The following TMEM132D variants were observed in gnomAD, a reference collection of about 807,000 sequenced individuals.
The protein encoded by TMEM132D is mature OL transmembrane protein.
Under a neutral mutation model 62.3 loss-of-function variants are expected in TMEM132D, and 21 were observed. That is an observed-to-expected ratio of 0.34 (90% CI 0.24 to 0.49). The LOEUF (loss-of-function observed/expected upper bound fraction) is 0.49, where lower values mean the gene tolerates loss of function less well. Ranked by LOEUF, TMEM132D falls within the 20% of genes least tolerant of loss-of-function variation. The pLI, the probability that TMEM132D is intolerant of heterozygous loss-of-function variation, is 0.99. For synonymous variants in TMEM132D, 621 were observed against 575.6 expected (o/e 1.08, Z -1.13); for missense variants, 1,346 against 1,402.8 (o/e 0.96, Z 0.65).
chr12:129,449,564 T>C (rs970810023), intron 3 of TMEM132D, among the ~76,000 whole-genome samples: 7 of 152,028 alleles, frequency 4.6e-5, no homozygotes, highest in Non-Finnish European at 8.8e-5. Flanking sequence ...GTACACGGAG[T>C]CTCTGCACAT....
At chr12:129,205,726 C>A (rs1878831391) in intron 5 of TMEM132D, among the ~76,000 whole-genome samples, 1 of 152,210 alleles carries the variant, frequency 6.6e-6, no homozygotes, top group East Asian at 1.9e-4. Flanking sequence ...CTTCTCATCA[C>A]CACGTGGAAC....
intron 3 of TMEM132D, among the ~76,000 whole-genome samples, chr12:129,422,882 A>G (rs1048769135): frequency 1.3e-5 from 2 of 151,752 alleles, no homozygotes; most frequent in East Asian, 3.9e-4. Context: ...ATGTGTATAT[A>G]TATATATATG....
chr12:129,826,955 T>C (rs1337939489), intron 1 of TMEM132D, among the ~76,000 whole-genome samples: 1 of 152,220 alleles, frequency 6.6e-6, no homozygotes, highest in Non-Finnish European at 1.5e-5. Flanking sequence ...TCTCAGAAGC[T>C]GACTAAATAA....
intron 3 of TMEM132D, among the ~76,000 whole-genome samples, chr12:129,437,784 G>T (rs897414344): frequency 6.6e-6 from 1 of 150,926 alleles, no homozygotes; most frequent in African/African-American, 2.4e-5. Flanking sequence ...TACATGTGCA[G>T]AACGTGCAGG....
chr12:129,115,816 G>C (rs1875875589), intron 5 of TMEM132D, among the ~76,000 whole-genome samples: 2 of 152,176 alleles, frequency 1.3e-5, no homozygotes, highest in African/African-American at 4.8e-5. Flanking sequence ...CTTTCTGGCT[G>C]GACTGGCTGC....
intron 1 of TMEM132D, among the ~76,000 whole-genome samples, chr12:129,846,653 A>G (rs542710298): frequency 8.1e-4 from 123 of 152,174 alleles, no homozygotes; most frequent in African/African-American, 2.8e-3. Context: ...GCTTTGGAAA[A>G]TTCTCTGTTT....
At chr12:129,458,398 G>GTTTTTT (rs66630267) in intron 3 of TMEM132D, among the ~76,000 whole-genome samples, 1 of 146,582 alleles carries the variant, frequency 6.8e-6, no homozygotes, top group African/African-American at 2.5e-5. Context: ...GTGGGCAGAG[G>GTTTTTT]TTTTTTTTTT....
At chr12:129,700,957 TAC>T (rs1881372484) in intron 1 of TMEM132D, among the ~76,000 whole-genome samples, 1 of 152,144 alleles carries the variant, frequency 6.6e-6, no homozygotes, top group Admixed American at 6.5e-5. Context: ...ACAATTCAAA[TAC>T]AGTTTTAAAA....
chr12:129,729,399 T>C (rs955028586), intron 1 of TMEM132D, among the ~76,000 whole-genome samples: 1 of 152,214 alleles, frequency 6.6e-6, no homozygotes, highest in South Asian at 2.1e-4. Context: ...AAACTTAGCA[T>C]CATCTTTGGC....
At chr12:129,553,944 G>A (rs1876976372) in intron 2 of TMEM132D, among the ~76,000 whole-genome samples, 1 of 152,104 alleles carries the variant, frequency 6.6e-6, no homozygotes. Context: ...CATCTCAAAG[G>A]AAACTCTCCA....
rs779211933 is a variant in TMEM132D, at chr12:129,074,110, G to A, written c.3065C>T (p.Pro1022Leu). 1.2e-6 allele frequency: 2 copies of A among 1,614,062 alleles called. No homozygotes were observed. The highest frequency in any genetic ancestry group is 3.3e-5 in the Admixed American group (2 of 60,006). ...CTGATCTTTCCCATCAATGATGATG[G>A]GTCCCAAAGGTTTGAACAGCTGCCC... The part of the protein sequence containing the change: ...INGQLFKPLG[P>L]IIIDGKDQKS... Residue 1022 changes from proline to leucine, a missense_variant, in exon 9 of 9, where the codon CCC becomes CTC. Transcript: ENST00000422113.
At chr12:129,405,250 C>T (rs934003529) in intron 3 of TMEM132D, among the ~76,000 whole-genome samples, 4 of 151,840 alleles carry the variant, frequency 2.6e-5, no homozygotes, top group South Asian at 2.1e-4. Flanking sequence ...GGTGCCTTCT[C>T]GTGTGCTTTC....
At position 129,273,195 on chromosome 12, in the gene TMEM132D, CCAAA is replaced by C. The variant is rs144669422; in HGVS notation, c.1300-63536_1300-63533del. On this transcript the variant is annotated intron_variant, in intron 4 of 8. Coordinates refer to ENST00000422113, the MANE Select transcript of TMEM132D (RefSeq NM_133448.3). The stretch of plus-strand genomic sequence containing the variant: ...TGGGTGACAGAGTGAGATTCTGTTT[CCAAA>C]CAAACAAACAAACAAACAAACAAAA... 5.2e-3 allele frequency among the ~76,000 whole-genome samples: 794 copies of C among 151,324 alleles called. 20 individuals are homozygous for C. The highest frequency in any genetic ancestry group is 0.015 in the African/African-American group (634 of 40,904).
chr12:129,700,675 C>T lies in TMEM132D; in HGVS notation c.103G>A (p.Glu35Lys), dbSNP rs1881366462. ...AGCAAGGAAAACCTCTGGATGCTCT[C>T]AAGGATCCCTCGACCTTCCGTCACT... is the stretch of plus-strand genomic sequence containing the variant. ...SKVTEGRGIL[E>K]SIQRFSLLPT... The change falls in exon 2 of 9, where the codon GAG (glutamate) becomes AAG (lysine). Residue 35 changes from glutamate (E) to lysine (K), a missense_variant. Transcript: ENST00000422113. 1.9e-6 allele frequency: 3 copies of T among 1,612,166 alleles called. No homozygotes were observed. Among genetic ancestry groups the T allele is most frequent in the African/African-American group, 1.3e-5 (1 of 75,000 alleles).
intron 3 of TMEM132D, among the ~76,000 whole-genome samples, chr12:129,484,555 T>A (rs932362447): frequency 6.6e-6 from 1 of 152,224 alleles, no homozygotes; most frequent in Non-Finnish European, 1.5e-5. Context: ...GTGCCATATT[T>A]ACTTTATCAG....
chr12:129,373,969 T>C (rs1013014287), intron 3 of TMEM132D, among the ~76,000 whole-genome samples: 1 of 152,148 alleles, frequency 6.6e-6, no homozygotes, highest in Admixed American at 6.5e-5. Context: ...AGTCAATTCC[T>C]GGCTTCTAAA....
chr12:129,695,161 T>G (rs555416173), intron 2 of TMEM132D, among the ~76,000 whole-genome samples: 3 of 152,338 alleles, frequency 2.0e-5, no homozygotes, highest in African/African-American at 7.2e-5. Context: ...GAAGTTTTCC[T>G]TTGAACAGGA....
At chr12:129,640,444 G>C (rs1879614322) in intron 2 of TMEM132D, among the ~76,000 whole-genome samples, 1 of 152,144 alleles carries the variant, frequency 6.6e-6, no homozygotes, top group African/African-American at 2.4e-5. Flanking sequence ...ATCATCACCA[G>C]ATGTCTGCTC....
At position 129,867,739 on chromosome 12, in the gene TMEM132D, T is replaced by C. The variant is rs1387725039; in HGVS notation, c.79+35522A>G. On this transcript the variant is annotated intron_variant, in intron 1 of 8. Coordinates refer to ENST00000422113, the MANE Select transcript of TMEM132D (RefSeq NM_133448.3). The surrounding 1 kb of genome is among the most constrained non-coding windows in gnomAD (Gnocchi z 4.5). ...AATTGTACATCTTCAATAGATACAA[T>C]TTTTGTCAATTTTACCTCAATAAAG... Among the ~76,000 whole-genome samples, 1 of 152,226 alleles carries C rather than the reference T, an allele frequency of 6.6e-6. No homozygotes were observed. Among genetic ancestry groups the C allele is most frequent in the Non-Finnish European group, 1.5e-5 (1 of 68,040 alleles).
Sources: gnomAD v4.1 joint callset for allele counts (sites outside exome capture counted in the v4.1 genomes callset) on GRCh38, gnomAD v4.1.1 for gene constraint, Gnocchi (gnomAD v3.1) non-coding constraint, MANE v1.5 for transcripts, NCBI Gene and HGNC (gene_info 2026-07-23, HGNC 2026-07-21) for gene names.